Variants in ENPP2 observed in about 807,000 individuals in gnomAD.
ENPP2 encodes the protein ectonucleotide pyrophosphatase/phosphodiesterase 2.
A neutral mutation model predicts 120.2 loss-of-function variants in ENPP2; 51 were observed. The ratio of observed to expected loss-of-function variants is 0.42; its 90% confidence interval spans 0.34 to 0.54. The LOEUF (loss-of-function observed/expected upper bound fraction) is 0.54, where lower values mean the gene tolerates loss of function less well. ENPP2 is among the 20% of genes least tolerant of loss of function. The pLI is 0.04. For synonymous variants in ENPP2, 365 were observed against 366.4 expected, an observed-to-expected ratio of 1.00 and a Z score of 0.04; for missense variants, 920 against 1,066.5, an observed-to-expected ratio of 0.86 and a Z score of 1.91.
intron 1 of ENPP2, among the ~76,000 whole-genome samples, chr8:119,663,249 C>T (rs547733243): frequency 6.6e-6 from 1 of 152,262 alleles, no homozygotes; most frequent in South Asian, 2.1e-4. Context: ...CAACCAAACT[C>T]GAGGAAATTT....
intron 4 of ENPP2, among the ~76,000 whole-genome samples, chr8:119,619,706 G>T (rs1815749806): frequency 7.3e-6 from 1 of 137,744 alleles, no homozygotes. Flanking sequence ...CTTCCCTTTA[G>T]ATGCTAAAAA....
Position 119,593,848 on chromosome 8 carries a change from G to A in ENPP2, c.985C>T (p.Leu329=), listed in dbSNP as rs1443651769. 6.2e-7 allele frequency: 1 copy of A among 1,605,614 alleles called. No homozygotes were observed. Among genetic ancestry groups the A allele is most frequent in the Non-Finnish European group, 8.5e-7 (1 of 1,172,270 alleles). The change falls in exon 12 of 25, where the codon CTG becomes TTG. Residue 329 remains leucine, a synonymous_variant. Coordinates refer to ENST00000075322, the MANE Select transcript of ENPP2 (RefSeq NM_001040092.3). ...GPFGPEMTNP[L]REIDKIVGQL... Reference sequence around the variant, plus strand: ...CCCACAATTTTGTCGATTTCCCTCAGAGGATTTGTCATCTAGGAAAAAGAA... The same window carrying A: ...CCCACAATTTTGTCGATTTCCCTCAAAGGATTTGTCATCTAGGAAAAAGAA...
intron 7 of ENPP2, among the ~76,000 whole-genome samples, chr8:119,616,955 AG>A (rs1815498435): frequency 6.6e-6 from 1 of 152,202 alleles, no homozygotes; most frequent in East Asian, 1.9e-4. Context: ...ACCTGAAAAA[AG>A]TTTTCAGCTT....
chr8:119,644,625 T>TATATATACACACAC (rs1327738777), intron 1 of ENPP2, among the ~76,000 whole-genome samples: 4 of 74,314 alleles, frequency 5.4e-5, no homozygotes, highest in African/African-American at 2.0e-4. Context: ...TATATATATA[T>TATATATACACACAC]ACACACACAC....
chr8:119,650,503 A>T (rs1224341460), intron 1 of ENPP2, among the ~76,000 whole-genome samples: 1 of 152,238 alleles, frequency 6.6e-6, no homozygotes, highest in African/African-American at 2.4e-5. Context: ...AAGCTATTTT[A>T]AAAAAGAACC....
intron 1 of ENPP2, among the ~76,000 whole-genome samples, chr8:119,654,324 TTATA>T (rs1337343379): frequency 1.4e-5 from 2 of 142,650 alleles, no homozygotes; most frequent in Admixed American, 7.2e-5. Context: ...TAATATATAA[TTATA>T]TATAGAGATA....
chr8:119,649,804 A>C (rs1034472859), intron 1 of ENPP2, among the ~76,000 whole-genome samples: 1 of 152,240 alleles, frequency 6.6e-6, no homozygotes, highest in Non-Finnish European at 1.5e-5. Context: ...TAAGCAAATG[A>C]AAGTTTGTTC....
At chr8:119,598,835 T>G (rs1377952033) in intron 11 of ENPP2, among the ~76,000 whole-genome samples, 1 of 152,200 alleles carries the variant, frequency 6.6e-6, no homozygotes, top group Non-Finnish European at 1.5e-5. Flanking sequence ...TCAAAAGTTC[T>G]GTAGTGCTAT....
chr8:119,630,352 C>T (rs1020189497), intron 2 of ENPP2, among the ~76,000 whole-genome samples: 1 of 152,312 alleles, frequency 6.6e-6, no homozygotes, highest in Admixed American at 6.5e-5. Flanking sequence ...AGGTGATCCA[C>T]CTACTTTGGC....
intron 1 of ENPP2, among the ~76,000 whole-genome samples, chr8:119,672,784 G>T (rs1818289219): frequency 6.6e-6 from 1 of 152,216 alleles, no homozygotes; most frequent in Admixed American, 6.5e-5. Context: ...CTGGAGGCAA[G>T]TGTGGGAGTT....
intron 9 of ENPP2, among the ~76,000 whole-genome samples, chr8:119,606,700 C>G (rs1814742706): frequency 6.6e-6 from 1 of 151,552 alleles, no homozygotes; most frequent in African/African-American, 2.4e-5. Context: ...CCCTTCAAAT[C>G]TGAAAAAGCT....
chr8:119,579,442 A>C (rs371332503), intron 19 of ENPP2, among the ~76,000 whole-genome samples: 1 of 152,204 alleles, frequency 6.6e-6, no homozygotes, highest in Admixed American at 6.5e-5. Context: ...CATGTCTCTG[A>C]TGAAGGCTAC....
chr8:119,659,895 G>T lies in ENPP2; in HGVS notation c.21+13357C>A, dbSNP rs1587586228. On this transcript the variant is annotated intron_variant, in intron 1 of 25. Transcript: ENST00000427067. ...TGGAGTCACTGGGAATGGATATTGG[G>T]ACTATAAATATCAGGGGTAACAATA... Among the ~76,000 whole-genome samples, 5 of 152,102 alleles carry T rather than the reference G, an allele frequency of 3.3e-5. No homozygotes were observed. The South Asian group carries it at 1.0e-3, about 32-fold the overall frequency.
Position 119,557,332 on chromosome 8 carries a change from T to C in ENPP2, c.*189A>G, listed in dbSNP as rs945716100. On this transcript the variant is annotated 3_prime_UTR_variant, in exon 25 of 25. Coordinates refer to ENST00000075322, the MANE Select transcript of ENPP2 (RefSeq NM_001040092.3). ...CTGCAGTATTTATTACAAGCTCTAC[T>C]CAGAACACAAGGCTACCTAAATCAA... 52 of 552,300 alleles carry C rather than the reference T, an allele frequency of 9.4e-5. No individual in the cohort carries two copies. The highest frequency in any genetic ancestry group is 1.3e-4 in the Non-Finnish European group (40 of 315,448). 34.2% of individuals were successfully genotyped at this position (552,300 alleles called of 1,614,324 possible).
At chr8:119,662,247 A>G (rs904096146) in intron 1 of ENPP2, among the ~76,000 whole-genome samples, 3 of 152,236 alleles carry the variant, frequency 2.0e-5, no homozygotes, top group Non-Finnish European at 4.4e-5. Context: ...TTATATGTAT[A>G]CATTCAACAG....
chr8:119,656,609 A>T (rs1448056161), intron 1 of ENPP2, among the ~76,000 whole-genome samples: 6 of 152,216 alleles, frequency 3.9e-5, no homozygotes, highest in African/African-American at 9.7e-5. Flanking sequence ...TAACTAACAC[A>T]AGAATCCAAG....
intron 15 of ENPP2, 72 bp from the exon 16 acceptor site, chr8:119,584,121 G>A (rs965578411): frequency 1.9e-6 from 2 of 1,029,018 alleles, no homozygotes; most frequent in Admixed American, 1.8e-5. Context: ...TAATTTCAGG[G>A]TACAAAGAAT....
chr8:119,623,481 G>A (rs1191296685), intron 3 of ENPP2, among the ~76,000 whole-genome samples: 1 of 152,010 alleles, frequency 6.6e-6, no homozygotes, highest in Non-Finnish European at 1.5e-5. Flanking sequence ...TTAAAAAAGA[G>A]AGAGAGATAT....
At position 119,568,560 on chromosome 8, in the gene ENPP2, T is replaced by TA. The variant is rs533604966; in HGVS notation, c.2054-309dup. Among the ~76,000 whole-genome samples, 667 of 151,316 alleles carry TA rather than the reference T, an allele frequency of 4.4e-3. 10 individuals are homozygous for TA. Among genetic ancestry groups the TA allele is most frequent in the African/African-American group, 0.013 (538 of 41,278 alleles). ...TGATTTCATCAGTGCCATTTAGACT[T>TA]AAAAAAAAATCATCAAGGTAATGAG... On this transcript the variant is annotated intron_variant, in intron 21 of 24. Transcript: ENST00000075322.
Sources: gnomAD v4.1 joint callset for allele counts (sites outside exome capture counted in the v4.1 genomes callset) on GRCh38, gnomAD v4.1.1 for gene constraint, MANE v1.5 for transcripts, NCBI Gene and HGNC (gene_info 2026-07-23, HGNC 2026-07-21) for gene names.